Variants in EFCAB5 observed in about 807,000 individuals in gnomAD.
EFCAB5 encodes EF-hand calcium-binding domain-containing protein 5.
EFCAB5 carries 131 observed loss-of-function variants against 167.9 expected under a neutral mutation model. The ratio of observed to expected loss-of-function variants is 0.78; its 90% CI spans 0.68 to 0.90. EFCAB5 has a LOEUF of 0.90. EFCAB5 is among the 40% of genes least tolerant of loss of function. EFCAB5 has a pLI of 0.00. For missense variants in EFCAB5, 1,663 were observed against 1,745.2 expected (o/e 0.95, Z 0.84); for synonymous variants, 574 against 602.8 (o/e 0.95, Z 0.70).
intron 9 of EFCAB5, 127 bp from the exon 10 acceptor site, chr17:30,053,128 T>C (rs1203971622): frequency 9.2e-7 from 1 of 1,083,040 alleles, no homozygotes; most frequent in Non-Finnish European, 1.3e-6. Context: ...ATAACTGATA[T>C]TTATTTAGAG....
intron 3 of EFCAB5, among the ~76,000 whole-genome samples, chr17:29,961,372 T>A (rs2067716629): frequency 6.6e-6 from 1 of 152,232 alleles, no homozygotes; most frequent in African/African-American, 2.4e-5. Flanking sequence ...TTATCAGTTA[T>A]ATGCTTTACA....
At chr17:30,095,347 C>T (rs2071273675) in intron 22 of EFCAB5, among the ~76,000 whole-genome samples, 1 of 152,158 alleles carries the variant, frequency 6.6e-6, no homozygotes, top group Non-Finnish European at 1.5e-5. Context: ...GTCAAAGCAG[C>T]CAGAGGCTCA....
At chr17:30,047,983 G>C (rs1184381292) in intron 8 of EFCAB5, among the ~76,000 whole-genome samples, 1 of 152,166 alleles carries the variant, frequency 6.6e-6, no homozygotes, top group African/African-American at 2.4e-5. Flanking sequence ...CCATTTATTA[G>C]GGTAAATATG....
chr17:29,997,968 G>T (rs1421126255), intron 6 of EFCAB5, among the ~76,000 whole-genome samples: 3 of 151,408 alleles, frequency 2.0e-5, no homozygotes, highest in African/African-American at 7.3e-5. Context: ...TGTCCCATAG[G>T]AACTAGAGTT....
In EFCAB5 at chr17:30,021,360, TA is replaced by T. The variant is rs1486724756; in HGVS notation, c.1045-12867del. Among the ~76,000 whole-genome samples the T allele has an allele frequency of 6.1e-5, 9 of 147,870 alleles. No individual in the cohort carries two copies. In the South Asian group the frequency reaches 1.9e-3, roughly 31 times the overall value. ...TAATAAATATGGTATATATTATATG[TA>T]AATATATAAATATTTTTACATTTAT... On this transcript the variant is annotated intron_variant, in intron 7 of 22. Transcript: ENST00000394835.
intron 22 of EFCAB5, among the ~76,000 whole-genome samples, chr17:30,095,135 G>A (rs901877410): frequency 6.6e-6 from 1 of 152,162 alleles, no homozygotes; most frequent in Non-Finnish European, 1.5e-5. Context: ...GTTTGGAAAT[G>A]TTCTTAGACC....
intron 4 of EFCAB5, among the ~76,000 whole-genome samples, chr17:29,969,601 A>G (rs540689081): frequency 6.6e-6 from 1 of 152,340 alleles, no homozygotes; most frequent in African/African-American, 2.4e-5. Context: ...CTGCAAGTGT[A>G]TAATGATTTG....
intron 7 of EFCAB5, among the ~76,000 whole-genome samples, chr17:30,002,555 C>T (rs898650988): frequency 2.0e-5 from 3 of 152,212 alleles, no homozygotes; most frequent in Non-Finnish European, 4.4e-5. Flanking sequence ...ATACATCCAT[C>T]ACATCAGGCA....
At chr17:30,066,482 A>C (rs963951715) in intron 14 of EFCAB5, among the ~76,000 whole-genome samples, 1 of 152,110 alleles carries the variant, frequency 6.6e-6, no homozygotes, top group Non-Finnish European at 1.5e-5. Context: ...TGAAAATAGA[A>C]ACAGAACATA....
chr17:30,045,554 A>G (rs78274378), intron 8 of EFCAB5, among the ~76,000 whole-genome samples: 11,396 of 151,920 alleles, frequency 0.075, 503 homozygotes, highest in Non-Finnish European at 0.09. Context: ...GAGTGTATAC[A>G]TTGTCAAAAC....
At chr17:30,040,031 T>C (rs2069727476) in intron 8 of EFCAB5, among the ~76,000 whole-genome samples, 1 of 152,260 alleles carries the variant, frequency 6.6e-6, no homozygotes, top group Non-Finnish European at 1.5e-5. Context: ...ATATTCCATT[T>C]GCACTTTAAG....
At chr17:30,000,115 A>C in intron 7 of EFCAB5, 139 bp downstream of exon 7, 1 of 591,360 alleles carries the variant, frequency 1.7e-6, no homozygotes, top group Admixed American at 3.2e-5. Flanking sequence ...TATGTACTTT[A>C]AAATATTTCA....
intron 3 of EFCAB5, among the ~76,000 whole-genome samples, chr17:29,949,911 T>C (rs1205947262): frequency 6.6e-6 from 1 of 152,196 alleles, no homozygotes; most frequent in Non-Finnish European, 1.5e-5. Flanking sequence ...GCAATGAAGA[T>C]GGAGAATGCC....
chr17:29,983,859 G>A (rs555392745), intron 4 of EFCAB5, among the ~76,000 whole-genome samples: 1 of 152,218 alleles, frequency 6.6e-6, no homozygotes, highest in South Asian at 2.1e-4. Flanking sequence ...ATAAATGGGA[G>A]GAAATGATGT....
intron 1 of EFCAB5, among the ~76,000 whole-genome samples, chr17:29,934,636 T>C (rs1352647571): frequency 6.6e-6 from 1 of 152,202 alleles, no homozygotes; most frequent in African/African-American, 2.4e-5. Flanking sequence ...TGGAACATCC[T>C]CCAAAGCTCA....
intron 4 of EFCAB5, among the ~76,000 whole-genome samples, chr17:29,989,386 C>G (rs149155253): frequency 6.6e-6 from 1 of 152,194 alleles, no homozygotes; most frequent in African/African-American, 2.4e-5. Flanking sequence ...GACCTACATA[C>G]GTCTGGCAAA....
chr17:30,030,332 GGTTTGTTT>G (rs370658956), intron 7 of EFCAB5, among the ~76,000 whole-genome samples: 7 of 152,006 alleles, frequency 4.6e-5, no homozygotes, highest in African/African-American at 9.7e-5. Flanking sequence ...CTCAGAAAAA[GGTTTGTTT>G]GTTTGTTTGT....
At chr17:30,077,625 A>G (rs1034471195) in intron 14 of EFCAB5, among the ~76,000 whole-genome samples, 1 of 152,224 alleles carries the variant, frequency 6.6e-6, no homozygotes, top group African/African-American at 2.4e-5. Context: ...GAAGTGTGCA[A>G]GACATGGACA....
At chr17:30,083,715 A>C (rs926908587) in intron 18 of EFCAB5, among the ~76,000 whole-genome samples, 1 of 152,152 alleles carries the variant, frequency 6.6e-6, no homozygotes, top group African/African-American at 2.4e-5. Context: ...CAGCCTCCCA[A>C]AATGCTAGAA....
Sources: gnomAD v4.1 joint callset for allele counts (sites outside exome capture counted in the v4.1 genomes callset) on GRCh38, gnomAD v4.1.1 for gene constraint, MANE v1.5 for transcripts, NCBI Gene and HGNC (gene_info 2026-07-23, HGNC 2026-07-21) for gene names.